Variants in TMEM131 observed in about 807,000 individuals in gnomAD.
TMEM131 encodes the protein transmembrane protein 131.
A neutral mutation model predicts 211.6 loss-of-function variants in TMEM131; 66 were observed. That is an observed-to-expected ratio of 0.31 (90% CI 0.26 to 0.38). The LOEUF (loss-of-function observed/expected upper bound fraction) is 0.38. TMEM131 is among the 10% of genes least tolerant of loss of function. The pLI, the probability that TMEM131 is intolerant of heterozygous loss-of-function variation, is 1.00. For synonymous variants in TMEM131, 844 were observed against 841.3 expected, an observed-to-expected ratio of 1.00 and a Z score of -0.06; for missense variants, 2,036 against 2,299.3, an observed-to-expected ratio of 0.89 and a Z score of 2.34.
chr2:97,907,152 G>A (rs1192918376), intron 3 of TMEM131: 3 of 152,072 alleles, frequency 2.0e-5, no homozygotes, highest in East Asian at 1.9e-4. Flanking sequence ...AGAGTTCTAG[G>A]GTTCTTAGAT....
intron 11 of TMEM131, among the ~76,000 whole-genome samples, chr2:97,828,913 T>C (rs1682523695): frequency 6.6e-6 from 1 of 152,212 alleles, no homozygotes; most frequent in African/African-American, 2.4e-5. Flanking sequence ...TTAATCTCCT[T>C]GTCAAATTTG....
chr2:97,776,525 G>A (rs1489653322), intron 31 of TMEM131, among the ~76,000 whole-genome samples: 2 of 152,176 alleles, frequency 1.3e-5, no homozygotes, highest in Non-Finnish European at 2.9e-5. Context: ...CAACTTTACT[G>A]AGATACAACT....
At chr2:97,986,277 T>C (rs1401603507) in intron 1 of TMEM131, among the ~76,000 whole-genome samples, 1 of 152,194 alleles carries the variant, frequency 6.6e-6, no homozygotes, top group African/African-American at 2.4e-5. Context: ...GAGATGTGAA[T>C]TGATTGCCTT....
chr2:97,818,481 G>GGGGGGAAAAAAACAAA, intron 12 of TMEM131, 132 bp downstream of exon 12: 1 of 292,102 alleles, frequency 3.4e-6, no homozygotes, highest in Non-Finnish European at 6.4e-6. Context: ...GGCGGGGGGG[G>GGGGGGAAAAAAACAAA]ATCAACCTAA....
chr2:97,860,691 T>C (rs950691789), intron 4 of TMEM131, among the ~76,000 whole-genome samples: 7 of 152,220 alleles, frequency 4.6e-5, no homozygotes, highest in African/African-American at 1.7e-4. Context: ...GAAAATGGAA[T>C]GCAGGTGGAA....
intron 4 of TMEM131, among the ~76,000 whole-genome samples, chr2:97,881,813 C>A (rs1674948364): frequency 6.7e-6 from 1 of 149,802 alleles, no homozygotes; most frequent in Admixed American, 6.6e-5. Context: ...AATCTTTTTT[C>A]ACTTAATAAC....
chr2:97,792,572 T>C lies in TMEM131; in HGVS notation c.3958A>G (p.Arg1320Gly). ...TGTGCGAGGGGGGCGGGAGACAGCC[T>C]TTCAGGCTGCGGCTCCTGGGGCTGA... ...VPQPQEPQPE[R>G]LSPAPLAHPS... The change falls in exon 31 of 41, where the codon AGG (arginine) becomes GGG (glycine). Residue 1320 changes from arginine to glycine, a missense_variant. By Grantham distance (125) the Arg-to-Gly change is moderately radical. This residue lies in a region of TMEM131 where 1,623 missense variants were observed against 1,805.9 expected (regional missense o/e 0.90). Coordinates refer to ENST00000186436, the MANE Select transcript of TMEM131 (RefSeq NM_015348.2). 1 of 1,613,266 alleles carries C rather than the reference T, an allele frequency of 6.2e-7. No individual in the cohort carries two copies. The highest frequency in any genetic ancestry group is 8.5e-7 in the Non-Finnish European group (1 of 1,179,630).
intron 11 of TMEM131, among the ~76,000 whole-genome samples, chr2:97,819,609 T>C (rs1682013279): frequency 6.6e-6 from 1 of 152,230 alleles, no homozygotes; most frequent in Admixed American, 6.5e-5. Context: ...AAAATCGTGG[T>C]ACTGTATACA....
intron 1 of TMEM131, among the ~76,000 whole-genome samples, chr2:97,946,989 A>G (rs1378041260): frequency 2.0e-5 from 3 of 152,064 alleles, no homozygotes; most frequent in Non-Finnish European, 2.9e-5. Context: ...AAACAGACAA[A>G]AAACATTGGA....
At chr2:97,920,970 A>AGTGTGTGTGTGTGT (rs57343769) in intron 2 of TMEM131, among the ~76,000 whole-genome samples, 3 of 146,722 alleles carry the variant, frequency 2.0e-5, no homozygotes, top group Non-Finnish European at 3.0e-5. Flanking sequence ...AAAAATCCCG[A>AGTGTGTGTGTGTGT]GTGTGTGTGT....
At chr2:97,802,226 C>A (rs1418082297) in intron 24 of TMEM131, among the ~76,000 whole-genome samples, 1 of 152,152 alleles carries the variant, frequency 6.6e-6, no homozygotes, top group Admixed American at 6.5e-5. Context: ...ATTACTTTTT[C>A]TTGCCTTATA....
rs1011451984 is a variant in TMEM131 at position 97,822,777 on chromosome 2, G to A, written c.1075-4056C>T. ...CTGTTGTGGGTGCCTGGGCTGGGGG[G>A]AAACAAACAAACCAAAACCACAGGC... On this transcript the variant is annotated intron_variant, in intron 11 of 40. Coordinates refer to ENST00000186436, the MANE Select transcript of TMEM131 (RefSeq NM_015348.2). Among the ~76,000 whole-genome samples the A allele has an allele frequency of 7.2e-5, 11 of 152,170 alleles. 2 individuals are homozygous for A. In the South Asian group the frequency reaches 1.2e-3, roughly 17 times the overall value.
Position 97,775,986 on chromosome 2 carries a change from G to A in TMEM131, c.4177C>T (p.Pro1393Ser), listed in dbSNP as rs778663547. ...TCCTTTTCCTCTTGCTTCTTAGGTGGTTTCACCTTGCGCTGAAGAGGTTTT... is the reference window on the plus strand; with the variant it reads ...TCCTTTTCCTCTTGCTTCTTAGGTGATTTCACCTTGCGCTGAAGAGGTTTT... ...KGKPLQRKVK[P>S]PKKQEEKEKK... is the part of the protein sequence containing the mutation. Residue 1393 changes from proline (P) to serine (S), a missense_variant, in exon 32 of 41, where the codon CCA becomes TCA. Physicochemically the swap from Pro to Ser is moderately conservative, Grantham distance 74. This residue lies in a region of TMEM131 where 1,623 missense variants were observed against 1,805.9 expected (regional missense o/e 0.90). Transcript: ENST00000186436. The A allele has an allele frequency of 6.2e-7, 1 of 1,613,758 alleles. No homozygotes were observed. The highest frequency in any genetic ancestry group is 1.7e-5 in the Admixed American group (1 of 60,004).
At chr2:97,759,471 C>A in intron 39 of TMEM131, 181 bp downstream of exon 39, 1 of 595,670 alleles carries the variant, frequency 1.7e-6, no homozygotes. Flanking sequence ...GGTCCACTGC[C>A]CCTCTGGGCT....
At chr2:97,776,973 TA>T (rs1164601298) in intron 31 of TMEM131, among the ~76,000 whole-genome samples, 1 of 152,064 alleles carries the variant, frequency 6.6e-6, no homozygotes, top group Admixed American at 6.6e-5. Flanking sequence ...GGACAGAGAG[TA>T]AAATGGACAT....
intron 1 of TMEM131, among the ~76,000 whole-genome samples, chr2:97,936,582 A>G (rs1387716350): frequency 6.6e-6 from 1 of 152,238 alleles, no homozygotes; most frequent in Non-Finnish European, 1.5e-5. Flanking sequence ...ATGACTATGA[A>G]GCTCACCACA....
chr2:97,928,098 C>T (rs542851447), intron 1 of TMEM131, among the ~76,000 whole-genome samples: 1 of 152,250 alleles, frequency 6.6e-6, no homozygotes, highest in African/African-American at 2.4e-5. Flanking sequence ...ACCTTACATA[C>T]AAAAATCTAC....
chr2:97,766,422 C>T lies in TMEM131; in HGVS notation c.4573+56G>A, dbSNP rs193207534. ...TGATAATGCACAACAATTGTTAATA[C>T]GGTGCACTATGAAAAGATCCGTAAG... On this transcript the variant is annotated intron_variant, in intron 34 of 40. Coordinates refer to ENST00000186436, the MANE Select transcript of TMEM131 (RefSeq NM_015348.2). 104 of 1,610,920 alleles carry T rather than the reference C, an allele frequency of 6.5e-5. No individual in the cohort carries two copies. In the East Asian group the frequency reaches 1.1e-3, roughly 17 times the overall value.
At chr2:97,965,025 C>T (rs957041627) in intron 1 of TMEM131, among the ~76,000 whole-genome samples, 2 of 152,158 alleles carry the variant, frequency 1.3e-5, no homozygotes, top group African/African-American at 4.8e-5. Flanking sequence ...CTCCTTATTG[C>T]CTTCATGTCT....
Sources: gnomAD v4.1 joint callset for allele counts (sites outside exome capture counted in the v4.1 genomes callset) on GRCh38, gnomAD v4.1.1 for gene constraint, gnomAD v4.1.1 regional missense constraint, MANE v1.5 for transcripts, NCBI Gene and HGNC (gene_info 2026-07-23, HGNC 2026-07-21) for gene names.